The following POLN variants were observed in gnomAD, a reference collection of about 807,000 sequenced individuals.
The protein encoded by POLN is DNA polymerase N.
POLN carries 108 observed loss-of-function variants against 113.5 expected under a neutral mutation model. That is an observed-to-expected ratio of 0.95 (90% confidence interval 0.81 to 1.12). POLN has a LOEUF of 1.12. Ranked by LOEUF, POLN falls within the 50% of genes most tolerant of loss-of-function variation. The pLI is 0.00. For missense variants in POLN, 1,097 were observed against 1,077.1 expected (o/e 1.02, Z -0.26); for synonymous variants, 386 against 391.5 (o/e 0.99, Z 0.17).
At chr4:2,109,809 C>A (rs961658155) in intron 19 of POLN, among the ~76,000 whole-genome samples, 2 of 152,074 alleles carry the variant, frequency 1.3e-5, no homozygotes, top group Admixed American at 6.6e-5. Context: ...TTGGGTCTTG[C>A]CTCCATCTTG....
At chr4:2,081,453 C>A (rs944210353) in intron 22 of POLN, 180 bp downstream of exon 22, 6 of 658,668 alleles carry the variant, frequency 9.1e-6, no homozygotes, top group Non-Finnish European at 1.6e-5. Context: ...ATGACCGTGT[C>A]CCCTCATGCC....
rs556056827 is a variant in POLN, at chr4:2,165,132, T to C, written c.1554+5547A>G. 9.2e-5 allele frequency among the ~76,000 whole-genome samples: 14 copies of C among 152,306 alleles called. No individual in the cohort carries two copies. In the South Asian group the frequency reaches 2.7e-3, roughly 29 times the overall value. Reference sequence around the variant, plus strand: ...CCACCTAAAAACCTACACACAGATATTTATCTCCGCTTTATTTGTAATTGC... The same window carrying C: ...CCACCTAAAAACCTACACACAGATACTTATCTCCGCTTTATTTGTAATTGC... On this transcript the variant is annotated intron_variant, in intron 13 of 25. Transcript: ENST00000511885.
intron 16 of POLN, among the ~76,000 whole-genome samples, chr4:2,144,035 T>C (rs1424564245): frequency 6.6e-6 from 1 of 152,086 alleles, no homozygotes; most frequent in African/African-American, 2.4e-5. Flanking sequence ...AAATATCATA[T>C]ATTTTAAATA....
At chr4:2,180,819 G>A (rs1733121828) in intron 7 of POLN, among the ~76,000 whole-genome samples, 1 of 152,140 alleles carries the variant, frequency 6.6e-6, no homozygotes, top group African/African-American at 2.4e-5. Context: ...AGCCTGCCAG[G>A]ACAAATCCCA....
chr4:2,175,635 G>C (rs1302141955), intron 9 of POLN, among the ~76,000 whole-genome samples: 1 of 152,166 alleles, frequency 6.6e-6, no homozygotes, highest in Non-Finnish European at 1.5e-5. Context: ...TGCCATTAGA[G>C]AGTCCCAGGC....
At position 2,103,663 on chromosome 4, in the gene POLN, C is replaced by T. The variant is rs116054791; in HGVS notation, c.1983-7730G>A. On this transcript the variant is annotated intron_variant, in intron 19 of 25. Transcript: ENST00000511885. The stretch of plus-strand genomic sequence containing the variant: ...TTGCCACAGCACATTATAATCAGAC[C>T]GTCTAAAGTGAAAGTTAAAAAGCAA... Among the ~76,000 whole-genome samples the T allele has an allele frequency of 1.3e-3, 199 of 152,222 alleles. 1 individual carries two copies. Among genetic ancestry groups the T allele is most frequent in the African/African-American group, 4.6e-3 (189 of 41,520 alleles).
chr4:2,125,259 T>C (rs1731551160), intron 19 of POLN, among the ~76,000 whole-genome samples: 1 of 152,232 alleles, frequency 6.6e-6, no homozygotes, highest in Non-Finnish European at 1.5e-5. Flanking sequence ...ACTGCAGTTC[T>C]TATCCTGGCA....
Position 2,155,571 on chromosome 4 carries a change from C to A in POLN, c.1731+1217G>T, listed in dbSNP as rs369445311. On this transcript the variant is annotated intron_variant, in intron 16 of 25. Transcript: ENST00000511885. ...CCTGACCCTTAATGGAGGGAACCCA[C>A]GGGACAGACACATGTTACGGAGGGA... Among the ~76,000 whole-genome samples, 3 of 152,232 alleles carry A rather than the reference C, an allele frequency of 2.0e-5. No individual in the cohort carries two copies. The East Asian group carries it at 5.8e-4, about 29-fold the overall frequency.
intron 13 of POLN, among the ~76,000 whole-genome samples, chr4:2,169,442 G>A (rs1732806247): frequency 6.6e-6 from 1 of 152,166 alleles, no homozygotes. Context: ...GACACTCACT[G>A]TGAGAGGAGG....
At chr4:2,135,413 CA>C (rs1731830139) in intron 16 of POLN, among the ~76,000 whole-genome samples, 1 of 152,164 alleles carries the variant, frequency 6.6e-6, no homozygotes, top group Admixed American at 6.5e-5. Flanking sequence ...CACTGTGCGC[CA>C]ACCAGATCTG....
intron 13 of POLN, among the ~76,000 whole-genome samples, chr4:2,168,579 G>A (rs1454515194): frequency 3.3e-5 from 5 of 152,240 alleles, no homozygotes; most frequent in African/African-American, 9.6e-5. Context: ...AGAGTGATGC[G>A]TCCTTTCTTG....
At chr4:2,100,946 T>C (rs1267084308) in intron 19 of POLN, among the ~76,000 whole-genome samples, 5 of 152,170 alleles carry the variant, frequency 3.3e-5, no homozygotes, top group African/African-American at 9.7e-5. Context: ...GATGTTGAAA[T>C]ACATATACAG....
At chr4:2,154,330 T>C (rs1205248455) in intron 16 of POLN, among the ~76,000 whole-genome samples, 2 of 151,610 alleles carry the variant, frequency 1.3e-5, no homozygotes, top group Admixed American at 6.6e-5. Context: ...ATTTTTATTA[T>C]ATAAAGAGCT....
intron 16 of POLN, among the ~76,000 whole-genome samples, chr4:2,144,193 G>A (rs1378114525): frequency 1.5e-5 from 2 of 136,646 alleles, no homozygotes; most frequent in African/African-American, 2.8e-5. Flanking sequence ...CACCCAGACT[G>A]GAGTGCAGTG....
rs1730419500 is a variant in POLN, at chr4:2,081,546, G to C, written c.2308+87C>G. On this transcript the variant is annotated intron_variant, in intron 22 of 25. Coordinates refer to ENST00000511885, the MANE Select transcript of POLN (RefSeq NM_181808.4). ...GTGATGAGCAGGAAATACCGCAACA[G>C]TGATCGGTGGGTGCCACCCAGCCCT... 3.2e-6 allele frequency: 4 copies of C among 1,267,738 alleles called. No homozygotes were observed. The Admixed American group carries it at 5.6e-5, about 18-fold the overall frequency. 78.5% of individuals were successfully genotyped at this position (1,267,738 alleles called of 1,614,324 possible).
intron 13 of POLN, among the ~76,000 whole-genome samples, chr4:2,168,223 G>A (rs1211151888): frequency 2.6e-5 from 4 of 152,190 alleles, no homozygotes; most frequent in Non-Finnish European, 5.9e-5. Context: ...GTGTGACACA[G>A]GGGATACCAT....
At chr4:2,128,656 GCAGA>G (rs930818016) in intron 18 of POLN, among the ~76,000 whole-genome samples, 2 of 113,578 alleles carry the variant, frequency 1.8e-5, no homozygotes, top group Admixed American at 1.9e-4. Context: ...AGCGAGCAGG[GCAGA>G]CAAAGCACGG....
At chr4:2,074,783 G>T (rs556688992) in intron 24 of POLN, among the ~76,000 whole-genome samples, 1 of 152,288 alleles carries the variant, frequency 6.6e-6, no homozygotes, top group East Asian at 1.9e-4. Flanking sequence ...GAGAACTGGG[G>T]GCACAGGTCC....
rs200934370 is a variant in POLN, at chr4:2,196,638, G to GA, written c.908+1885dup. On this transcript the variant is annotated intron_variant, in intron 6 of 25. Transcript: ENST00000511885. Reference sequence around the variant, plus strand: ...GTTTAAAAATGGCACTGTGGCTCTGGAAAAAAAAAAAAAAAGCCCATGGTT... The same window carrying GA: ...GTTTAAAAATGGCACTGTGGCTCTGGAAAAAAAAAAAAAAAAGCCCATGGTT... Among the ~76,000 whole-genome samples, 1,091 of 117,506 alleles carry GA rather than the reference G, an allele frequency of 9.3e-3. 7 individuals carry two copies. The highest frequency in any genetic ancestry group is 0.024 in the African/African-American group (763 of 31,896). 77.1% of individuals were successfully genotyped at this position (117,506 alleles called of 152,430 possible).
Sources: allele counts gnomAD v4.1 joint callset (sites outside exome capture counted in the v4.1 genomes callset), GRCh38; gene constraint gnomAD v4.1.1; transcripts MANE v1.5; gene names NCBI Gene and HGNC (gene_info 2026-07-23, HGNC 2026-07-21).